LATS1: variants seen among roughly 807,000 people sequenced by gnomAD.
LATS1 encodes large tumor suppressor kinase 1.
Under a neutral mutation model 106.6 loss-of-function variants are expected in LATS1, and 25 were observed. The observed-to-expected ratio is 0.23, with a 90% CI of 0.17 to 0.33. LATS1 has a LOEUF of 0.33. Ranked by LOEUF, LATS1 falls within the 10% of genes least tolerant of loss-of-function variation. The pLI is 1.00. For synonymous variants in LATS1, 465 were observed against 455.6 expected, an observed-to-expected ratio of 1.02 and a Z score of -0.26; for missense variants, 1,040 against 1,382.6, an observed-to-expected ratio of 0.75 and a Z score of 3.93.
At chr6:149,716,532 T>G (rs1052529284) in intron 1 of LATS1, 3 of 152,078 alleles carry the variant, frequency 2.0e-5, no homozygotes, top group Non-Finnish European at 2.9e-5. Context: ...ATAACCAGGG[T>G]TAGAACAGTT....
At chr6:149,697,477 G>A (rs531339476) in intron 2 of LATS1, among the ~76,000 whole-genome samples, 2 of 152,142 alleles carry the variant, frequency 1.3e-5, no homozygotes, top group East Asian at 3.9e-4. Context: ...TCTTTAAGAC[G>A]TTGAGCTAAT....
chr6:149,686,976 C>T (rs1285549285), intron 3 of LATS1, among the ~76,000 whole-genome samples: 4 of 152,166 alleles, frequency 2.6e-5, no homozygotes, highest in Admixed American at 2.0e-4. Context: ...TTCAGAATAA[C>T]TACTTTAAGG....
chr6:149,667,780 A>T (rs1781236641), intron 7 of LATS1, among the ~76,000 whole-genome samples: 2 of 152,232 alleles, frequency 1.3e-5, no homozygotes, highest in Non-Finnish European at 2.9e-5. Context: ...AAAAAAAATT[A>T]TTGAAAGCAA....
At chr6:149,678,624 T>C (rs563974474) in intron 5 of LATS1, among the ~76,000 whole-genome samples, 3 of 152,284 alleles carry the variant, frequency 2.0e-5, no homozygotes, top group East Asian at 3.9e-4. Context: ...GCGAGCATAT[T>C]AGAATATATG....
At chr6:149,670,171 C>CAAAAAAAAAAA (rs1177166262) in intron 7 of LATS1, among the ~76,000 whole-genome samples, 9 of 31,626 alleles carry the variant, frequency 2.8e-4, no homozygotes, top group Non-Finnish European at 4.4e-4. Context: ...AATTGCATCT[C>CAAAAAAAAAAA]AAAAAAAAAA....
At position 149,680,237 on chromosome 6, in the gene LATS1, C is replaced by A. The variant is rs200119992; in HGVS notation, c.2231G>T (p.Arg744Leu). ...KTLRKKDVLL[R>L]NQVAHVKAER... ...AGCCTTAACATGAGCGACTTGATTT[C>A]GAAGAAGAACATCTTTCTTTCGAAG... The change falls in exon 5 of 8, where the codon CGA becomes CTA. Residue 744 changes from arginine (R) to leucine (L), a missense_variant. Transcript: ENST00000543571. 2.5e-6 allele frequency: 4 copies of A among 1,613,984 alleles called. No homozygotes were observed. The highest frequency in any genetic ancestry group is 2.2e-5 in the East Asian group (1 of 44,880).
intron 6 of LATS1, 44 bp downstream of exon 6, chr6:149,676,511 G>A: frequency 6.4e-7 from 1 of 1,567,806 alleles, no homozygotes; most frequent in Non-Finnish European, 8.8e-7. Context: ...CGTTTTGGCT[G>A]GTCTAAAGGT....
In LATS1 at chr6:149,683,764, T is replaced by G. The variant is rs144672408; in HGVS notation, c.1325A>C (p.Gln442Pro). Residue 442 changes from glutamine to proline, a missense_variant, in exon 4 of 8, where the codon CAG (glutamine) becomes CCG (proline). Physicochemically the swap from Gln to Pro is moderately conservative, Grantham distance 76. Transcript: ENST00000543571. ...NWPQSSSAPA[Q>P]SSPSSGHEIP... ...TTCATGCCCACTGCTCGGGGATGAC[T>G]GGGCTGGAGCAGAAGATGACTGAGG... 3 of 1,613,726 alleles carry G rather than the reference T, an allele frequency of 1.9e-6. No homozygotes were observed. Among genetic ancestry groups the G allele is most frequent in the South Asian group, 2.2e-5 (2 of 91,084 alleles).
chr6:149,701,617 T>C (rs1477947483), intron 2 of LATS1, among the ~76,000 whole-genome samples, 162 bp downstream of exon 2: 1 of 152,198 alleles, frequency 6.6e-6, no homozygotes, highest in Non-Finnish European at 1.5e-5. Flanking sequence ...TTAATAGTAA[T>C]TAATGGAATT....
chr6:149,663,357 C>A (rs187852003), intron 7 of LATS1, among the ~76,000 whole-genome samples: 1 of 152,170 alleles, frequency 6.6e-6, no homozygotes, highest in African/African-American at 2.4e-5. Context: ...TGGTGTACAC[C>A]TGTGGTCCCA....
chr6:149,662,858 C>T (rs1780944406), intron 7 of LATS1, among the ~76,000 whole-genome samples: 1 of 150,186 alleles, frequency 6.7e-6, no homozygotes, highest in South Asian at 2.1e-4. Context: ...CCTAGCTACT[C>T]AGGAGGTTGA....
chr6:149,665,872 G>C (rs1373848873), intron 7 of LATS1, among the ~76,000 whole-genome samples: 1 of 152,078 alleles, frequency 6.6e-6, no homozygotes, highest in East Asian at 1.9e-4. Context: ...GCTGGGCACG[G>C]TGGCTCACGC....
Position 149,680,463 on chromosome 6 carries a change from C to G in LATS1, c.2011-6G>C, listed in dbSNP as rs746740187. ...GCATCTTGAGATAATCCAACCTAGG[C>G]AAATAAACTAGATGTTAAATAAGAA... On this transcript the variant is annotated splice_polypyrimidine_tract_variant and splice_region_variant and intron_variant, in intron 4 of 7. Transcript: ENST00000543571. The G allele has an allele frequency of 1.3e-6, 2 of 1,554,756 alleles. No individual in the cohort carries two copies. Among genetic ancestry groups the G allele is most frequent in the African/African-American group, 1.4e-5 (1 of 72,430 alleles).
At chr6:149,687,938 G>A (rs919107364) in intron 3 of LATS1, among the ~76,000 whole-genome samples, 42 of 148,074 alleles carry the variant, frequency 2.8e-4, no homozygotes, top group Non-Finnish European at 4.6e-4. Flanking sequence ...GCAGTGGTGC[G>A]ATCTCGGCTC....
At chr6:149,678,237 G>C (rs550499665) in intron 5 of LATS1, among the ~76,000 whole-genome samples, 3 of 149,278 alleles carry the variant, frequency 2.0e-5, no homozygotes, top group East Asian at 4.0e-4. Flanking sequence ...CCAACTACTC[G>C]GGAAGCTGAG....
intron 7 of LATS1, among the ~76,000 whole-genome samples, chr6:149,664,899 C>T (rs1781062050): frequency 4.6e-5 from 7 of 152,126 alleles, no homozygotes; most frequent in Admixed American, 4.6e-4. Flanking sequence ...CTCAAGGTAG[C>T]CCAAAACTTG....
At chr6:149,663,631 T>C (rs965442148) in intron 7 of LATS1, among the ~76,000 whole-genome samples, 13 of 152,182 alleles carry the variant, frequency 8.5e-5, no homozygotes, top group Non-Finnish European at 1.5e-5. Context: ...CGTCTATTAT[T>C]TGTTCCTTTT....
At position 149,701,820 on chromosome 6, in the gene LATS1, G is replaced by C; in HGVS notation, c.307C>G (p.Pro103Ala). 6.2e-7 allele frequency: 1 copy of C among 1,613,840 alleles called. No individual in the cohort carries two copies. Among genetic ancestry groups the C allele is most frequent in the African/African-American group, 1.3e-5 (1 of 75,012 alleles). The change falls in exon 2 of 8, where the codon CCA (proline) becomes GCA (alanine). Residue 103 changes from proline (P) to alanine (A), a missense_variant. By Grantham distance (27) the Pro-to-Ala change is conservative. Coordinates refer to ENST00000543571, the MANE Select transcript of LATS1 (RefSeq NM_004690.4). ...GCTTGCAAGTCTTGAAGCATTTGTG[G>C]ATTAACTTCTGAAGTACTCCGAGAA... ...NSSRSTSEVNPQMLQDLQAAG... is the reference protein window; with the variant it reads ...NSSRSTSEVNAQMLQDLQAAG...
At chr6:149,693,337 C>T (rs1456223309) in intron 3 of LATS1, among the ~76,000 whole-genome samples, 1 of 149,026 alleles carries the variant, frequency 6.7e-6, no homozygotes, top group African/African-American at 2.5e-5. Context: ...ATAGGCCAGG[C>T]GCGGTGGCTC....
Sources: gnomAD v4.1 joint callset for allele counts (sites outside exome capture counted in the v4.1 genomes callset) on GRCh38, gnomAD v4.1.1 for gene constraint, MANE v1.5 for transcripts, NCBI Gene and HGNC (gene_info 2026-07-23, HGNC 2026-07-21) for gene names.